Variants in PTPRM observed in about 807,000 individuals in gnomAD.
PTPRM encodes protein tyrosine phosphatase receptor type M.
In PTPRM, 47 loss-of-function variants were observed where a neutral mutation model predicts 186.7. That is an observed-to-expected ratio of 0.25 (90% CI 0.20 to 0.32). PTPRM has a LOEUF of 0.32. Among genes scored for constraint, PTPRM ranks in the 10% least tolerant of loss-of-function variants. The pLI, the probability that PTPRM is intolerant of heterozygous loss-of-function variation, is 1.00. For missense variants in PTPRM, 1,494 were observed against 1,865.0 expected, an observed-to-expected ratio of 0.80 and a Z score of 3.66; for synonymous variants, 668 against 674.9, an observed-to-expected ratio of 0.99 and a Z score of 0.16.
chr18:8,074,527 G>T (rs897798555), intron 8 of PTPRM, among the ~76,000 whole-genome samples: 4 of 152,104 alleles, frequency 2.6e-5, no homozygotes, highest in African/African-American at 9.7e-5. Flanking sequence ...CCTCCAGCAG[G>T]GTATGGGGTT....
chr18:8,124,933 A>T (rs1466551949), intron 13 of PTPRM, among the ~76,000 whole-genome samples: 1 of 152,132 alleles, frequency 6.6e-6, no homozygotes. Flanking sequence ...CTTTTGTGAG[A>T]TGATGAGTCC....
At chr18:7,855,290 G>A (rs2047042554) in intron 2 of PTPRM, among the ~76,000 whole-genome samples, 7 of 152,160 alleles carry the variant, frequency 4.6e-5, no homozygotes, top group Admixed American at 4.6e-4. Context: ...TAGTGATTAA[G>A]GAGACATGGT....
intron 9 of PTPRM, among the ~76,000 whole-genome samples, chr18:8,082,780 A>G (rs1267804275): frequency 6.6e-6 from 1 of 151,704 alleles, no homozygotes; most frequent in Non-Finnish European, 1.5e-5. Context: ...CTTCACTTCC[A>G]GCCCAGTCCT....
chr18:8,193,095 G>A (rs557570189), intron 14 of PTPRM, among the ~76,000 whole-genome samples: 2 of 152,278 alleles, frequency 1.3e-5, no homozygotes, highest in East Asian at 1.9e-4. Context: ...TTATATAGGA[G>A]ATCCATGCTG....
intron 13 of PTPRM, among the ~76,000 whole-genome samples, chr18:8,135,290 AG>A (rs1323971031): frequency 1.3e-5 from 2 of 152,226 alleles, no homozygotes; most frequent in Non-Finnish European, 2.9e-5. Context: ...TCGCTGAGAA[AG>A]TAAGATATTA....
chr18:7,617,795 T>G (rs1237429235), intron 1 of PTPRM, among the ~76,000 whole-genome samples: 1 of 152,178 alleles, frequency 6.6e-6, no homozygotes, highest in African/African-American at 2.4e-5. Flanking sequence ...TGGGGGAATG[T>G]CTGGGAAGTG....
intron 11 of PTPRM, among the ~76,000 whole-genome samples, chr18:8,108,836 G>T (rs150045352): frequency 6.6e-6 from 1 of 152,118 alleles, no homozygotes; most frequent in Non-Finnish European, 1.5e-5. Flanking sequence ...TTTTAATATC[G>T]CACATGCAGT....
At chr18:7,866,635 A>T (rs1306444233) in intron 2 of PTPRM, among the ~76,000 whole-genome samples, 2 of 152,126 alleles carry the variant, frequency 1.3e-5, no homozygotes, top group Non-Finnish European at 2.9e-5. Context: ...AATAAGTGTG[A>T]TGTGCTGCTG....
intron 2 of PTPRM, among the ~76,000 whole-genome samples, chr18:7,875,959 C>T (rs1048477895): frequency 2.6e-5 from 4 of 152,098 alleles, no homozygotes; most frequent in African/African-American, 9.7e-5. Context: ...TAGCATGTGA[C>T]TGTATTGAAT....
chr18:8,128,572 G>A (rs923534990), intron 13 of PTPRM, among the ~76,000 whole-genome samples: 1 of 151,938 alleles, frequency 6.6e-6, no homozygotes, highest in Admixed American at 6.6e-5. Context: ...TGCCCTTTTT[G>A]TTCTTTTATG....
rs904958769 is a variant in PTPRM, at chr18:8,394,620, C to T, written c.4344+9C>T. ...ACATGGTCGACCTCCTGGTAGGACACCCCCTCTGAGCTGTTCCATGAGACA... is the reference window on the plus strand; with the variant it reads ...ACATGGTCGACCTCCTGGTAGGACATCCCCTCTGAGCTGTTCCATGAGACA... On this transcript the variant is annotated intron_variant, in intron 32 of 32. Coordinates refer to ENST00000580170, the MANE Select transcript of PTPRM (RefSeq NM_001105244.2). 3.1e-6 allele frequency: 5 copies of T among 1,606,766 alleles called. No homozygotes were observed. In the African/African-American group the frequency reaches 5.4e-5, roughly 17 times the overall value.
intron 6 of PTPRM, among the ~76,000 whole-genome samples, chr18:7,953,558 T>C (rs984826678): frequency 6.6e-6 from 1 of 152,190 alleles, no homozygotes; most frequent in Non-Finnish European, 1.5e-5. Context: ...TGAAGGAAAA[T>C]TCATTCACAG....
chr18:7,934,614 A>T (rs1262878089), intron 5 of PTPRM, among the ~76,000 whole-genome samples: 1 of 152,220 alleles, frequency 6.6e-6, no homozygotes, highest in East Asian at 1.9e-4. Flanking sequence ...GTTTGAAATA[A>T]AGTAATTGCA....
At chr18:8,314,739 T>G (rs1327326683) in intron 20 of PTPRM, 42 bp from the exon 21 acceptor site, 1 of 1,493,142 alleles carries the variant, frequency 6.7e-7, no homozygotes, top group Non-Finnish European at 9.3e-7. Flanking sequence ...CCTACCAGAT[T>G]GCTTTTGTTA....
chr18:7,678,624 A>T (rs918024929), intron 1 of PTPRM, among the ~76,000 whole-genome samples: 4 of 152,168 alleles, frequency 2.6e-5, no homozygotes, highest in African/African-American at 7.2e-5. Flanking sequence ...ATGTACATAC[A>T]TATGAAGTCC....
chr18:8,394,804 G>A (rs749398894), intron 32 of PTPRM, among the ~76,000 whole-genome samples, 193 bp downstream of exon 32: 49 of 152,080 alleles, frequency 3.2e-4, no homozygotes, highest in Non-Finnish European at 5.9e-4. Flanking sequence ...TCTTCACACG[G>A]AGACTTTGTC....
chr18:8,034,394 A>G (rs2086193970), intron 7 of PTPRM, among the ~76,000 whole-genome samples: 1 of 152,190 alleles, frequency 6.6e-6, no homozygotes, highest in Non-Finnish European at 1.5e-5. Flanking sequence ...CATCTGAATC[A>G]GATATGTCTG....
chr18:8,013,984 C>G (rs2084699596), intron 7 of PTPRM, among the ~76,000 whole-genome samples: 1 of 152,102 alleles, frequency 6.6e-6, no homozygotes, highest in Non-Finnish European at 1.5e-5. Flanking sequence ...TCCCGAAACT[C>G]AAGATTTCAT....
At chr18:7,963,542 C>T (rs1467540136) in intron 7 of PTPRM, among the ~76,000 whole-genome samples, 1 of 152,190 alleles carries the variant, frequency 6.6e-6, no homozygotes, top group Non-Finnish European at 1.5e-5. Flanking sequence ...TAACAGTGCT[C>T]CTCAACTTCC....
Sources: gnomAD v4.1 joint callset for allele counts (sites outside exome capture counted in the v4.1 genomes callset) on GRCh38, gnomAD v4.1.1 for gene constraint, MANE v1.5 for transcripts, NCBI Gene and HGNC (gene_info 2026-07-23, HGNC 2026-07-21) for gene names.